Variants in MUSK observed in about 807,000 individuals in gnomAD.
MUSK encodes muscle, skeletal receptor tyrosine-protein kinase.
Under a neutral mutation model 88.7 loss-of-function variants are expected in MUSK, and 55 were observed. That is an observed-to-expected ratio of 0.62 (90% CI 0.50 to 0.78). The LOEUF (loss-of-function observed/expected upper bound fraction) is 0.78. Among genes scored for constraint, MUSK ranks in the 30% least tolerant of loss-of-function variants. The pLI, the probability that MUSK is intolerant of heterozygous loss-of-function variation, is 0.00. For missense variants in MUSK, 1,015 were observed against 1,074.3 expected (o/e 0.94, Z 0.77); for synonymous variants, 387 against 391.9 (o/e 0.99, Z 0.15).
At chr9:110,751,352 T>A (rs539905441) in intron 7 of MUSK, among the ~76,000 whole-genome samples, 1 of 152,108 alleles carries the variant, frequency 6.6e-6, no homozygotes, top group Admixed American at 6.6e-5. Flanking sequence ...GAAGGCCATG[T>A]CCTAGGGTGT....
chr9:110,764,288 A>C (rs1419432796), intron 8 of MUSK, among the ~76,000 whole-genome samples: 1 of 152,188 alleles, frequency 6.6e-6, no homozygotes, highest in Admixed American at 6.5e-5. Context: ...TTAGCTGGAC[A>C]TGGAGGGGTC....
chr9:110,701,774 ATT>A (rs1254151322), intron 5 of MUSK, among the ~76,000 whole-genome samples: 1 of 206 alleles, frequency 4.9e-3, no homozygotes, highest in Admixed American at 0.062. Context: ...ATTTTATTTT[ATT>A]TTATTTTATT....
intron 8 of MUSK, among the ~76,000 whole-genome samples, chr9:110,763,129 GT>G (rs1165881474): frequency 6.6e-6 from 1 of 152,078 alleles, no homozygotes; most frequent in African/African-American, 2.4e-5. Context: ...AAGTTTTACT[GT>G]TAAAAAGGTC....
intron 3 of MUSK, among the ~76,000 whole-genome samples, chr9:110,692,247 C>G (rs1048406837): frequency 6.6e-6 from 1 of 152,082 alleles, no homozygotes; most frequent in Non-Finnish European, 1.5e-5. Context: ...GCAGCCTTGA[C>G]TGCTTGGGCT....
intron 7 of MUSK, among the ~76,000 whole-genome samples, chr9:110,750,645 C>T (rs1210410479): frequency 6.6e-6 from 1 of 152,178 alleles, no homozygotes. Flanking sequence ...CCTGAAGCAA[C>T]TTCTAGATCA....
rs182512294 is a variant in MUSK at position 110,754,327 on chromosome 9, T to C, written c.913+6527T>C. On this transcript the variant is annotated intron_variant, in intron 7 of 14. Coordinates refer to ENST00000374448, the MANE Select transcript of MUSK (RefSeq NM_005592.4). ...AATGTTTTTGCTGACTTCTAGATAA[T>C]TTTAAAGATACTATAATATTGGTGG... 2.2e-3 allele frequency among the ~76,000 whole-genome samples: 332 copies of C among 152,312 alleles called. 1 individual carries two copies. Among genetic ancestry groups the C allele is most frequent in the African/African-American group, 7.6e-3 (317 of 41,582 alleles).
At chr9:110,681,790 G>A (rs143672263) in intron 1 of MUSK, among the ~76,000 whole-genome samples, 7 of 151,986 alleles carry the variant, frequency 4.6e-5, no homozygotes, top group Admixed American at 6.6e-5. Flanking sequence ...GCCAAACAAC[G>A]TGCCAGTCTG....
chr9:110,776,547 G>A lies in MUSK; in HGVS notation c.1361-85G>A, dbSNP rs962449011. The A allele has an allele frequency of 1.8e-5, 19 of 1,071,916 alleles. No individual in the cohort carries two copies. In the African/African-American group the frequency reaches 2.9e-4, roughly 16 times the overall value. 66.4% of individuals were successfully genotyped at this position (1,071,916 alleles called of 1,614,324 possible). ...ATATTAAAAAGCTGAGAGAGAACTT[G>A]CATTTCTTAGCACTCACTCTCTCAC... On this transcript the variant is annotated intron_variant, in intron 10 of 14. Transcript: ENST00000374448.
intron 6 of MUSK, among the ~76,000 whole-genome samples, chr9:110,743,956 C>T (rs2077136276): frequency 6.6e-6 from 1 of 151,504 alleles, no homozygotes; most frequent in South Asian, 2.1e-4. Context: ...TACTGGGCAA[C>T]ATCCTTTTTT....
chr9:110,762,348 T>A (rs1480756649), intron 8 of MUSK, 140 bp downstream of exon 8: 1 of 494,758 alleles, frequency 2.0e-6, no homozygotes, highest in Admixed American at 4.0e-5. Context: ...TTATTTGACA[T>A]GCCATTTATT....
intron 3 of MUSK, among the ~76,000 whole-genome samples, chr9:110,690,238 GTATATATAAA>G (rs1284174344): frequency 2.5e-4 from 14 of 55,828 alleles, no homozygotes; most frequent in African/African-American, 1.5e-3. Flanking sequence ...ATATATTTAA[GTATATATAAA>G]TATATATAAA....
chr9:110,729,317 T>G (rs1260644353), intron 5 of MUSK, among the ~76,000 whole-genome samples: 2 of 128,404 alleles, frequency 1.6e-5, no homozygotes, highest in African/African-American at 5.9e-5. Flanking sequence ...CAACAGTTTC[T>G]GTTTTCTGTA....
rs1386760738 is a variant in MUSK at position 110,804,793 on chromosome 9, A to C, written c.*3805A>C. 1.3e-5 allele frequency among the ~76,000 whole-genome samples: 2 copies of C among 151,982 alleles called. No individual in the cohort carries two copies. The highest frequency in any genetic ancestry group is 2.9e-5 in the Non-Finnish European group (2 of 67,850). On this transcript the variant is annotated 3_prime_UTR_variant, in exon 15 of 15. Transcript: ENST00000374448. ...TAATAGACAATAATAAAAATGAAAA[A>C]ACACCAACCAGAGGTAATTAACATT...
intron 5 of MUSK, among the ~76,000 whole-genome samples, chr9:110,698,624 C>G (rs2076463080): frequency 6.6e-6 from 1 of 152,066 alleles, no homozygotes; most frequent in Non-Finnish European, 1.5e-5. Flanking sequence ...ACGTTTGCCT[C>G]CAATTGAGGT....
chr9:110,778,051 G>A (rs193025795), intron 11 of MUSK, among the ~76,000 whole-genome samples: 21 of 152,200 alleles, frequency 1.4e-4, no homozygotes, highest in Middle Eastern at 3.4e-3. Context: ...TTATAGGGGT[G>A]TGTAAAGACC....
At chr9:110,707,672 G>A (rs531718426) in intron 5 of MUSK, among the ~76,000 whole-genome samples, 1 of 152,322 alleles carries the variant, frequency 6.6e-6, no homozygotes, top group South Asian at 2.1e-4. Context: ...GGTGGGAAGA[G>A]GTGTCTTGGC....
rs1475480335 is a variant in MUSK, at chr9:110,801,511, C to T, written c.*523C>T. ...AGTCTTAGTGTTTTATTAAATCTTT[C>T]TTGCATTTAATGCATAATTTTATAT... On this transcript the variant is annotated 3_prime_UTR_variant, in exon 15 of 15. Coordinates refer to ENST00000374448, the MANE Select transcript of MUSK (RefSeq NM_005592.4). The T allele has an allele frequency of 6.6e-6, 1 of 152,232 alleles. No homozygotes were observed. The highest frequency in any genetic ancestry group is 1.5e-5 in the Non-Finnish European group (1 of 68,052). The allele number at this position is 152,232 out of a possible 1,614,324, so 9.4% of individuals were successfully genotyped here.
intron 14 of MUSK, among the ~76,000 whole-genome samples, chr9:110,797,710 T>G (rs2078032538): frequency 6.6e-6 from 1 of 152,222 alleles, no homozygotes; most frequent in South Asian, 2.1e-4. Flanking sequence ...CATTCATTTA[T>G]TCATTCTTCA....
intron 9 of MUSK, among the ~76,000 whole-genome samples, chr9:110,768,708 G>C (rs1588016006): frequency 6.6e-6 from 1 of 152,186 alleles, no homozygotes; most frequent in East Asian, 1.9e-4. Context: ...GACCTCATTA[G>C]TAAGCCAAGA....
Sources: allele counts gnomAD v4.1 joint callset (sites outside exome capture counted in the v4.1 genomes callset), GRCh38; gene constraint gnomAD v4.1.1; transcripts MANE v1.5; gene names NCBI Gene and HGNC (gene_info 2026-07-23, HGNC 2026-07-21).